THSD7B: variants seen among roughly 807,000 people sequenced by gnomAD.
The protein encoded by THSD7B is thrombospondin type-1 domain-containing protein 7B.
THSD7B carries 138 observed loss-of-function variants against 213.6 expected under a neutral mutation model. The observed-to-expected ratio is 0.65, with a 90% CI of 0.56 to 0.74. The LOEUF is 0.74. Ranked by LOEUF, THSD7B falls within the 30% of genes least tolerant of loss-of-function variation. The pLI is 0.00. For missense variants in THSD7B, 1,931 were observed against 1,991.5 expected (o/e 0.97, Z 0.58); for synonymous variants, 742 against 687.0 (o/e 1.08, Z -1.25).
chr2:137,064,521 A>C (rs1687340177), intron 3 of THSD7B, among the ~76,000 whole-genome samples: 1 of 151,980 alleles, frequency 6.6e-6, no homozygotes, highest in African/African-American at 2.4e-5. Context: ...ATGTGATATA[A>C]TTTGTCCATC....
chr2:136,768,561 A>T (rs984776308), intron 1 of THSD7B, among the ~76,000 whole-genome samples: 3 of 152,224 alleles, frequency 2.0e-5, no homozygotes, highest in African/African-American at 7.2e-5. Flanking sequence ...ACAATATATT[A>T]AATACATGAT....
chr2:137,529,345 T>A lies in THSD7B; in HGVS notation c.3139-33876T>A, dbSNP rs561074551. On this transcript the variant is annotated intron_variant, in intron 15 of 27. Coordinates refer to ENST00000409968, the MANE Select transcript of THSD7B (RefSeq NM_001316349.2). ...CAATGATACAAAGGCAAGGTAGAGA[T>A]TTTCAAGGCAGTCAGGGAACTAGCT... is the stretch of plus-strand genomic sequence containing the variant. Among the ~76,000 whole-genome samples, 5 of 152,066 alleles carry A rather than the reference T, an allele frequency of 3.3e-5. No individual in the cohort carries two copies. The East Asian group carries it at 9.7e-4, about 30-fold the overall frequency.
At chr2:137,154,055 G>C (rs1000446605) in intron 5 of THSD7B, among the ~76,000 whole-genome samples, 1 of 152,090 alleles carries the variant, frequency 6.6e-6, no homozygotes, top group Admixed American at 6.6e-5. Context: ...TGAGGAGGTT[G>C]ATGTTGTATT....
At chr2:137,227,643 A>G (rs1224683477) in intron 7 of THSD7B, among the ~76,000 whole-genome samples, 2 of 152,208 alleles carry the variant, frequency 1.3e-5, no homozygotes, top group Non-Finnish European at 2.9e-5. Flanking sequence ...ATATGGGCAG[A>G]TGAGGTTATT....
intron 15 of THSD7B, among the ~76,000 whole-genome samples, chr2:137,548,172 C>T (rs965342428): frequency 6.6e-6 from 1 of 151,996 alleles, no homozygotes; most frequent in South Asian, 2.1e-4. Context: ...TCCCTGGAAT[C>T]GAGGGCACTT....
intron 10 of THSD7B, among the ~76,000 whole-genome samples, chr2:137,266,679 G>T (rs919712037): frequency 3.9e-5 from 6 of 152,138 alleles, no homozygotes; most frequent in African/African-American, 1.4e-4. Context: ...GTTGCTGCTG[G>T]AATAACTGCC....
At chr2:137,004,780 C>A (rs530202695) in intron 2 of THSD7B, among the ~76,000 whole-genome samples, 1 of 152,252 alleles carries the variant, frequency 6.6e-6, no homozygotes, top group South Asian at 2.1e-4. Context: ...TTACTCTTAA[C>A]AATCTGTGGC....
chr2:137,241,191 T>C (rs892331539), intron 9 of THSD7B, among the ~76,000 whole-genome samples: 3 of 152,196 alleles, frequency 2.0e-5, no homozygotes, highest in African/African-American at 7.2e-5. Flanking sequence ...GCACTGGCTA[T>C]CCAATACAGA....
At chr2:137,388,322 T>C (rs944496403) in intron 12 of THSD7B, among the ~76,000 whole-genome samples, 37 of 151,902 alleles carry the variant, frequency 2.4e-4, no homozygotes, top group African/African-American at 7.7e-4. Flanking sequence ...TCTTAATTTA[T>C]ATAACTTAAC....
intron 17 of THSD7B, among the ~76,000 whole-genome samples, chr2:137,605,638 G>A (rs1682158427): frequency 7.5e-6 from 1 of 132,880 alleles, no homozygotes; most frequent in Non-Finnish European, 1.6e-5. Flanking sequence ...GCATATATTG[G>A]CACTTCGCAC....
At chr2:137,487,396 A>AAAAAAAAACAAAAAAAAAAC (rs757398774) in intron 15 of THSD7B, among the ~76,000 whole-genome samples, 1 of 120,946 alleles carries the variant, frequency 8.3e-6, no homozygotes, top group Non-Finnish European at 1.7e-5. Flanking sequence ...AAAAAAAAAA[A>AAAAAAAAACAAAAAAAAAAC]AAAGAACTAG....
intron 1 of THSD7B, among the ~76,000 whole-genome samples, chr2:136,822,331 C>G (rs1021418470): frequency 3.9e-5 from 6 of 152,136 alleles, no homozygotes; most frequent in African/African-American, 1.4e-4. Context: ...CATACAAAAG[C>G]CAAGGGGCAT....
chr2:137,240,055 G>A (rs1461033196), intron 9 of THSD7B, among the ~76,000 whole-genome samples: 2 of 152,188 alleles, frequency 1.3e-5, no homozygotes, highest in African/African-American at 4.8e-5. Flanking sequence ...TCCACCATCC[G>A]ATGTTTTCAC....
intron 15 of THSD7B, among the ~76,000 whole-genome samples, chr2:137,562,897 A>G (rs1008767486): frequency 2.0e-5 from 3 of 152,158 alleles, no homozygotes; most frequent in Non-Finnish European, 4.4e-5. Context: ...GAGCTGGACC[A>G]TCTAATAGAT....
intron 2 of THSD7B, among the ~76,000 whole-genome samples, chr2:136,905,471 A>G (rs1462542335): frequency 2.0e-5 from 3 of 152,230 alleles, no homozygotes; most frequent in Non-Finnish European, 4.4e-5. Context: ...ACAATGGAAA[A>G]GAGCTATAAT....
chr2:137,454,639 T>C (rs558019323), intron 15 of THSD7B, among the ~76,000 whole-genome samples: 1 of 152,186 alleles, frequency 6.6e-6, no homozygotes, highest in South Asian at 2.1e-4. Context: ...TAAATTGGGT[T>C]GTTAGCAATT....
intron 1 of THSD7B, among the ~76,000 whole-genome samples, chr2:136,780,279 A>G (rs965584888): frequency 1.3e-5 from 2 of 152,142 alleles, no homozygotes; most frequent in African/African-American, 2.4e-5. Flanking sequence ...ATATGGCAGA[A>G]GAGTAGAAGA....
At position 137,071,664 on chromosome 2, in the gene THSD7B, T is replaced by A. The variant is rs1687491725; in HGVS notation, c.950+14434T>A. 2.6e-5 allele frequency among the ~76,000 whole-genome samples: 4 copies of A among 152,170 alleles called. No individual in the cohort carries two copies. In the South Asian group the frequency reaches 8.3e-4, roughly 31 times the overall value. ...ATGTCCTGAATGGTATTGCCTAGGT[T>A]TTAGGTGTTGCCTATGTCCTGAATG... On this transcript the variant is annotated intron_variant, in intron 3 of 27. Transcript: ENST00000409968.
At chr2:137,216,140 T>C (rs1277445841) in intron 7 of THSD7B, among the ~76,000 whole-genome samples, 1 of 152,148 alleles carries the variant, frequency 6.6e-6, no homozygotes, top group Non-Finnish European at 1.5e-5. Context: ...TGTGAAGATA[T>C]GCTTGTGTTT....
Sources: allele counts gnomAD v4.1 joint callset (sites outside exome capture counted in the v4.1 genomes callset), GRCh38; gene constraint gnomAD v4.1.1; transcripts MANE v1.5; gene names NCBI Gene and HGNC (gene_info 2026-07-23, HGNC 2026-07-21).